Variants in CDK13 observed in about 807,000 individuals in gnomAD.
The protein encoded by CDK13 is cyclin-dependent kinase 13.
Under a neutral mutation model 137.6 loss-of-function variants are expected in CDK13, and 40 were observed. The ratio of observed to expected loss-of-function variants is 0.29; its 90% CI spans 0.23 to 0.38. The LOEUF is 0.38. Ranked by LOEUF, CDK13 falls within the 10% of genes least tolerant of loss-of-function variation. The pLI, the probability that CDK13 is intolerant of heterozygous loss-of-function variation, is 1.00. For synonymous variants in CDK13, 869 were observed against 760.1 expected (o/e 1.14, Z -2.36); for missense variants, 1,704 against 1,951.8 (o/e 0.87, Z 2.39).
intron 5 of CDK13, among the ~76,000 whole-genome samples, chr7:40,043,662 A>G (rs1044601920): frequency 6.0e-4 from 92 of 152,092 alleles, no homozygotes; most frequent in African/African-American, 2.1e-3. Context: ...TACCAGAAAT[A>G]AAACAAACAG....
intron 10 of CDK13, 90 bp from the exon 11 acceptor site, chr7:40,078,630 A>T (rs1038915715): frequency 4.1e-6 from 3 of 729,420 alleles, no homozygotes; most frequent in Non-Finnish European, 5.7e-6. Flanking sequence ...TTTTAGTTTT[A>T]AAATTTAATT....
Position 39,951,263 on chromosome 7 carries a change from C to A in CDK13, c.622C>A (p.Arg208Ser), listed in dbSNP as rs1406147230. ...CCGGGACCGCCGCAGCAGCAGTGGC[C>A]GCAGCAAGGAGCGCCACCGCGAGCA... ...PRRDRRSSSG[R>S]SKERHREHRR... Residue 208 changes from arginine (R) to serine (S), a missense_variant, in exon 1 of 14, where the codon CGC becomes AGC. By Grantham distance (110) the Arg-to-Ser change is moderately radical (BLOSUM62 -1). This residue lies in a region of CDK13 where 1,051 missense variants were observed against 931.0 expected (regional missense o/e 1.13). Coordinates refer to ENST00000181839, the MANE Select transcript of CDK13 (RefSeq NM_003718.5). The A allele has an allele frequency of 1.5e-6, 2 of 1,337,082 alleles. No individual in the cohort carries two copies. Among genetic ancestry groups the A allele is most frequent in the Non-Finnish European group, 1.9e-6 (2 of 1,051,042 alleles). 82.8% of individuals were successfully genotyped at this position (1,337,082 alleles called of 1,614,324 possible). A position where few individuals can be genotyped will look rare whatever the true frequency, so the allele number is the denominator to read the frequency against.
intron 1 of CDK13, among the ~76,000 whole-genome samples, chr7:39,969,282 G>A (rs758084776): frequency 6.6e-6 from 1 of 152,172 alleles, no homozygotes; most frequent in Non-Finnish European, 1.5e-5. Flanking sequence ...AAAGTGCTGG[G>A]ATTACAGTTA....
intron 5 of CDK13, among the ~76,000 whole-genome samples, chr7:40,023,718 C>T (rs1488265584): frequency 6.6e-6 from 1 of 152,094 alleles, no homozygotes; most frequent in East Asian, 1.9e-4. Flanking sequence ...CCAGGATGGT[C>T]TCGTGATCCG....
At chr7:40,067,878 T>G (rs1786315783) in intron 9 of CDK13, 1 of 152,220 alleles carries the variant, frequency 6.6e-6, no homozygotes, top group Non-Finnish European at 1.5e-5. Flanking sequence ...GTGGATCACT[T>G]GAGGTCAGGA....
rs560003667 is a variant in CDK13, at chr7:39,951,464, G to C, written c.823G>C (p.Asp275His). Residue 275 changes from aspartate to histidine, a missense_variant, in exon 1 of 14, where the codon GAC (aspartate) becomes CAC (histidine). By Grantham distance (81) the Asp-to-His change is moderately conservative. This residue lies in a region of CDK13 where 1,051 missense variants were observed against 931.0 expected (regional missense o/e 1.13). Transcript: ENST00000181839. ...SSSSSSRKDR[D>H]SKAHRSRTKS... The stretch of plus-strand genomic sequence containing the variant: ...CAGCAGTAGCAGCCGCAAGGACCGG[G>C]ACTCGAAGGCCCACCGCAGCCGGAC... The C allele has an allele frequency of 6.5e-7, 1 of 1,539,300 alleles. No individual in the cohort carries two copies. The highest frequency in any genetic ancestry group is 1.2e-5 in the South Asian group (1 of 83,216).
intron 1 of CDK13, among the ~76,000 whole-genome samples, chr7:39,965,066 G>A (rs1023576798): frequency 6.6e-6 from 1 of 152,128 alleles, no homozygotes. Flanking sequence ...TTTTGGAATA[G>A]GTGTGGTGTG....
intron 5 of CDK13, among the ~76,000 whole-genome samples, chr7:40,024,148 C>T (rs927612509): frequency 4.6e-5 from 7 of 152,136 alleles, no homozygotes; most frequent in African/African-American, 1.2e-4. Flanking sequence ...CCTCAAGTTC[C>T]TAGGTACTTT....
At chr7:40,088,466 G>A (rs1035058804) in intron 12 of CDK13, 135 bp downstream of exon 12, 6 of 708,952 alleles carry the variant, frequency 8.5e-6, no homozygotes, top group Non-Finnish European at 2.3e-6. Context: ...ACATTTCTTT[G>A]TGCCAGTACA....
Position 39,988,122 on chromosome 7 carries a change from T to C in CDK13, c.1735T>C (p.Ser579Pro). 1.2e-6 allele frequency: 2 copies of C among 1,613,912 alleles called. No individual in the cohort carries two copies. The highest frequency in any genetic ancestry group is 4.5e-5 in the East Asian group (2 of 44,866). Residue 579 changes from serine (S) to proline (P), a missense_variant, in exon 2 of 14, where the codon TCT becomes CCT. Physicochemically the swap from Ser to Pro is moderately conservative, Grantham distance 74. Transcript: ENST00000181839. ...TGCTGCTACAAAGGAGGAATCAGTA[T>C]CTCTTAAAGAGAAAACCAAACCACT... is the stretch of plus-strand genomic sequence containing the variant. ...KSAATKEESV[S>P]LKEKTKPLTP...
intron 9 of CDK13, among the ~76,000 whole-genome samples, chr7:40,074,398 T>C (rs2150533901): frequency 6.6e-6 from 1 of 151,814 alleles, no homozygotes; most frequent in Non-Finnish European, 1.5e-5. Flanking sequence ...TGGCAGGTGC[T>C]TGTAGTCCCA....
chr7:40,047,758 AATG>A, intron 6 of CDK13, 60 bp from the exon 7 acceptor site: 7 of 1,105,066 alleles, frequency 6.3e-6, no homozygotes, highest in South Asian at 6.2e-5. Flanking sequence ...ATAGAATATA[AATG>A]TGTATTGTCA....
intron 9 of CDK13, chr7:40,069,463 C>G (rs1001244548): frequency 8.3e-5 from 25 of 302,434 alleles, no homozygotes; most frequent in Admixed American, 7.8e-4. Flanking sequence ...CCCATATGCT[C>G]TTAAGTTTTT....
At chr7:40,012,654 C>T (rs2116368650) in intron 5 of CDK13, among the ~76,000 whole-genome samples, 1 of 151,870 alleles carries the variant, frequency 6.6e-6, no homozygotes. Flanking sequence ...GTGGCTCACG[C>T]CTGTAACCCC....
rs148046155 is a variant in CDK13, at chr7:39,992,070, TACACACACACACAC to T, written c.1871+3833_1871+3846del. On this transcript the variant is annotated intron_variant, in intron 2 of 13. Coordinates refer to ENST00000181839, the MANE Select transcript of CDK13 (RefSeq NM_003718.5). ...CTGTCTCAAAAAAAGGAAAAAATTA[TACACACACACACAC>T]ACACACACACACACACACACGCACA... Among the ~76,000 whole-genome samples the T allele has an allele frequency of 7.7e-3, 1,137 of 147,076 alleles. 26 individuals are homozygous for T. Among genetic ancestry groups the T allele is most frequent in the East Asian group, 0.048 (221 of 4,628 alleles).
At chr7:40,043,934 T>C (rs1455989776) in intron 5 of CDK13, among the ~76,000 whole-genome samples, 1 of 151,618 alleles carries the variant, frequency 6.6e-6, no homozygotes, top group Non-Finnish European at 1.5e-5. Flanking sequence ...TCTTGCTCTG[T>C]TGCACAGGCT....
intron 1 of CDK13, among the ~76,000 whole-genome samples, chr7:39,979,216 C>CTTTTTTTTTTTT (rs71560152): frequency 2.3e-5 from 3 of 130,888 alleles, no homozygotes; most frequent in Non-Finnish European, 4.8e-5. Context: ...TCTTTTTTTT[C>CTTTTTTTTTTTT]TTTTTTTTTT....
chr7:40,066,444 C>G (rs912140347), intron 9 of CDK13, among the ~76,000 whole-genome samples: 3 of 152,152 alleles, frequency 2.0e-5, no homozygotes, highest in East Asian at 3.8e-4. Flanking sequence ...TAGGCTGTCA[C>G]TTTCTAGTAA....
chr7:40,020,869 G>T (rs952826341), intron 5 of CDK13, among the ~76,000 whole-genome samples: 9 of 152,006 alleles, frequency 5.9e-5, no homozygotes, highest in African/African-American at 1.7e-4. Flanking sequence ...AAGGTGGGTG[G>T]ATCACAAGGT....
Sources: allele counts gnomAD v4.1 joint callset (sites outside exome capture counted in the v4.1 genomes callset), GRCh38; gene constraint gnomAD v4.1.1; regional missense constraint gnomAD v4.1.1; transcripts MANE v1.5; gene names NCBI Gene and HGNC (gene_info 2026-07-23, HGNC 2026-07-21).